The following PHACTR1 variants were observed in gnomAD, a reference collection of about 807,000 sequenced individuals.
The protein encoded by PHACTR1 is RPEL repeat containing 1.
PHACTR1 carries 16 observed loss-of-function variants against 69.2 expected under a neutral mutation model. The observed-to-expected ratio is 0.23, with a 90% CI of 0.16 to 0.35. PHACTR1 has a LOEUF of 0.35. Among genes scored for constraint, PHACTR1 ranks in the 10% least tolerant of loss-of-function variants. PHACTR1 has a pLI of 1.00. For missense variants in PHACTR1, 510 were observed against 734.7 expected (o/e 0.69, Z 3.54); for synonymous variants, 312 against 284.5 (o/e 1.10, Z -0.97).
At chr6:12,798,650 G>A (rs149769523) in intron 4 of PHACTR1, among the ~76,000 whole-genome samples, 1 of 152,306 alleles carries the variant, frequency 6.6e-6, no homozygotes, top group East Asian at 1.9e-4. Context: ...TTTCTAAGTG[G>A]GGGTGTGGTG....
At chr6:13,128,304 A>C (rs1819873235) in intron 5 of PHACTR1, among the ~76,000 whole-genome samples, 2 of 149,130 alleles carry the variant, frequency 1.3e-5, no homozygotes, top group Admixed American at 1.3e-4. Flanking sequence ...AAAAAATCTG[A>C]ATTGTCAGAT....
chr6:13,120,809 A>C (rs972387172), intron 5 of PHACTR1, among the ~76,000 whole-genome samples: 4 of 152,208 alleles, frequency 2.6e-5, no homozygotes, highest in Non-Finnish European at 4.4e-5. Flanking sequence ...TATTGTTGTC[A>C]TTTTAAAGCA....
At chr6:13,080,932 A>T (rs536395120) in intron 5 of PHACTR1, among the ~76,000 whole-genome samples, 33 of 152,282 alleles carry the variant, frequency 2.2e-4, no homozygotes, top group Non-Finnish European at 4.0e-4. Context: ...TTTTCAGGCT[A>T]AGCTAAAAAG....
chr6:12,951,682 C>T (rs1582661332), intron 4 of PHACTR1, among the ~76,000 whole-genome samples: 1 of 152,194 alleles, frequency 6.6e-6, no homozygotes, highest in Admixed American at 6.5e-5. Context: ...CAGAAATCAG[C>T]TTCTCCTTTA....
intron 4 of PHACTR1, among the ~76,000 whole-genome samples, chr6:12,781,180 G>T (rs1032401781): frequency 6.6e-6 from 1 of 152,174 alleles, no homozygotes; most frequent in Non-Finnish European, 1.5e-5. Flanking sequence ...TCCCCACTGT[G>T]TTCTGTGCAC....
chr6:13,218,915 A>AGAGAAGAG (rs1186396047), intron 8 of PHACTR1, among the ~76,000 whole-genome samples: 1 of 142,130 alleles, frequency 7.0e-6, no homozygotes, highest in Non-Finnish European at 1.6e-5. Flanking sequence ...AGAGAAGAGA[A>AGAGAAGAG]AAGGTAGAAA....
intron 5 of PHACTR1, among the ~76,000 whole-genome samples, chr6:13,098,790 T>G (rs540780634): frequency 1.8e-4 from 28 of 152,200 alleles, no homozygotes; most frequent in Non-Finnish European, 4.0e-4. Flanking sequence ...TGTGTTCACT[T>G]TTTTCTAATT....
At chr6:13,256,985 A>G (rs1250546144) in intron 10 of PHACTR1, among the ~76,000 whole-genome samples, 1 of 152,188 alleles carries the variant, frequency 6.6e-6, no homozygotes, top group African/African-American at 2.4e-5. Context: ...AAATTTCTGT[A>G]TTAGCCTTTT....
At chr6:12,753,966 A>ATTT (rs1428965785) in intron 4 of PHACTR1, among the ~76,000 whole-genome samples, 1 of 39,650 alleles carries the variant, frequency 2.5e-5, no homozygotes, top group East Asian at 2.8e-4. Context: ...ATATATATAT[A>ATTT]TATATTTTTT....
intron 4 of PHACTR1, among the ~76,000 whole-genome samples, chr6:13,019,745 GA>G (rs1370991247): frequency 3.3e-5 from 5 of 152,124 alleles, no homozygotes; most frequent in Non-Finnish European, 4.4e-5. Context: ...CACTCACATT[GA>G]AAAAGGTAAT....
intron 9 of PHACTR1, among the ~76,000 whole-genome samples, chr6:13,228,873 T>C (rs955632170): frequency 2.0e-5 from 3 of 152,240 alleles, no homozygotes; most frequent in Admixed American, 6.5e-5. Context: ...CTGAAGCTCA[T>C]GTTCTAAAAC....
intron 4 of PHACTR1, among the ~76,000 whole-genome samples, chr6:12,938,378 C>T (rs899540576): frequency 6.6e-6 from 1 of 152,088 alleles, no homozygotes; most frequent in African/African-American, 2.4e-5. Flanking sequence ...CCAGCCACCT[C>T]TCTATGTTAG....
intron 4 of PHACTR1, among the ~76,000 whole-genome samples, chr6:13,052,423 A>T (rs1405624850): frequency 6.6e-6 from 1 of 152,260 alleles, no homozygotes; most frequent in African/African-American, 2.4e-5. Flanking sequence ...GGCTTCAGAT[A>T]TCATTTTGCT....
intron 3 of PHACTR1, among the ~76,000 whole-genome samples, chr6:12,735,777 T>C (rs571142288): frequency 7.5e-4 from 114 of 152,346 alleles, no homozygotes; most frequent in African/African-American, 2.7e-3. Context: ...GGGAGCTACA[T>C]CCTTCAAGGT....
chr6:13,187,235 G>T (rs573370226), intron 7 of PHACTR1, among the ~76,000 whole-genome samples: 3 of 152,258 alleles, frequency 2.0e-5, no homozygotes, highest in South Asian at 4.2e-4. Flanking sequence ...GGGGACCCCT[G>T]GTTTGATGAA....
chr6:13,228,658 G>A (rs996088009), intron 9 of PHACTR1, among the ~76,000 whole-genome samples: 3 of 152,194 alleles, frequency 2.0e-5, no homozygotes, highest in African/African-American at 7.2e-5. Flanking sequence ...TATGAGAATA[G>A]CAACCATGCA....
chr6:12,803,886 C>G (rs764869596), intron 4 of PHACTR1, among the ~76,000 whole-genome samples: 1 of 152,166 alleles, frequency 6.6e-6, no homozygotes, highest in Non-Finnish European at 1.5e-5. Context: ...CCCCTCAACC[C>G]CACCCCATTT....
At chr6:13,277,222 G>C (rs1037212315) in intron 11 of PHACTR1, among the ~76,000 whole-genome samples, 1 of 152,088 alleles carries the variant, frequency 6.6e-6, no homozygotes, top group African/African-American at 2.4e-5. Flanking sequence ...CCCTACCCCA[G>C]ACTCTCCCAT....
intron 5 of PHACTR1, among the ~76,000 whole-genome samples, chr6:13,054,759 G>T (rs568833504): frequency 6.6e-6 from 1 of 152,294 alleles, no homozygotes; most frequent in East Asian, 1.9e-4. Flanking sequence ...CACATGGGGA[G>T]TGAGGGTTGC....
Sources: allele counts gnomAD v4.1 joint callset (sites outside exome capture counted in the v4.1 genomes callset), GRCh38; gene constraint gnomAD v4.1.1; transcripts MANE v1.5; gene names NCBI Gene and HGNC (gene_info 2026-07-23, HGNC 2026-07-21).